The following APBB2 variants were observed in gnomAD, a reference collection of about 807,000 sequenced individuals.
APBB2 encodes the protein Fe65-like 1.
APBB2 carries 38 observed loss-of-function variants against 82.5 expected under a neutral mutation model. The ratio of observed to expected loss-of-function variants is 0.46; its 90% CI spans 0.36 to 0.60. The LOEUF is 0.60. Among genes scored for constraint, APBB2 ranks in the 20% least tolerant of loss-of-function variants. The pLI, the probability that APBB2 is intolerant of heterozygous loss-of-function variation, is 0.00. For missense variants in APBB2, 772 were observed against 972.3 expected (o/e 0.79, Z 2.74); for synonymous variants, 341 against 368.2 (o/e 0.93, Z 0.85).
chr4:40,836,978 G>C (rs1754161698), intron 12 of APBB2, among the ~76,000 whole-genome samples: 1 of 152,176 alleles, frequency 6.6e-6, no homozygotes. Flanking sequence ...ACACAGCTGG[G>C]TTTTTCCCCA....
chr4:41,166,306 C>T (rs1407197268), intron 1 of APBB2, among the ~76,000 whole-genome samples: 2 of 151,800 alleles, frequency 1.3e-5, no homozygotes, highest in African/African-American at 2.4e-5. Context: ...GAGGCTGAGG[C>T]GGGAAGATCA....
chr4:41,076,356 A>C (rs1391780476), intron 3 of APBB2, among the ~76,000 whole-genome samples: 1 of 152,162 alleles, frequency 6.6e-6, no homozygotes, highest in African/African-American at 2.4e-5. Flanking sequence ...TAAACCATGA[A>C]GCTTGCTATG....
At chr4:40,931,800 T>C (rs1369027342) in intron 10 of APBB2, among the ~76,000 whole-genome samples, 6 of 136,358 alleles carry the variant, frequency 4.4e-5, no homozygotes, top group Admixed American at 7.2e-5. Context: ...TTCTGTGCCC[T>C]TTTTTTTTTT....
intron 6 of APBB2, among the ~76,000 whole-genome samples, chr4:40,999,437 A>C (rs73136410): frequency 0.17 from 25,832 of 152,050 alleles, 4,458 homozygotes; most frequent in African/African-American, 0.45. Flanking sequence ...GTGACAGACA[A>C]CCTGTCTCAA....
Position 40,849,566 on chromosome 4 carries a change from T to A in APBB2, c.1530-18989A>T, listed in dbSNP as rs368771619. Among the ~76,000 whole-genome samples, 147 of 152,218 alleles carry A rather than the reference T, an allele frequency of 9.7e-4. 2 individuals are homozygous for A. In the South Asian group the frequency reaches 0.03, roughly 31 times the overall value. The stretch of plus-strand genomic sequence containing the variant: ...AGGGAAAAGACCCAAGACAACACAT[T>A]CCCATACCTGCTGAGGCAGTTATGG... On this transcript the variant is annotated intron_variant, in intron 12 of 17. Transcript: ENST00000508593.
chr4:40,945,773 A>T (rs2154380981), intron 6 of APBB2, among the ~76,000 whole-genome samples: 1 of 152,034 alleles, frequency 6.6e-6, no homozygotes, highest in Admixed American at 6.5e-5. Context: ...CCACCACGCC[A>T]GGCTTTTTGT....
At chr4:40,834,879 G>A (rs7666800) in intron 12 of APBB2, among the ~76,000 whole-genome samples, 87,111 of 152,082 alleles carry the variant, frequency 0.57, 25,816 homozygotes, top group Non-Finnish European at 0.64. Context: ...CGTGGCGTTA[G>A]GCCACTCGGT....
At chr4:41,012,561 A>G (rs1246276518) in intron 6 of APBB2, among the ~76,000 whole-genome samples, 1 of 151,962 alleles carries the variant, frequency 6.6e-6, no homozygotes, top group Non-Finnish European at 1.5e-5. Context: ...CACTTCAAAA[A>G]CGCTACTTTT....
At chr4:41,171,589 T>C (rs1469614724) in intron 1 of APBB2, among the ~76,000 whole-genome samples, 3 of 152,196 alleles carry the variant, frequency 2.0e-5, no homozygotes, top group Non-Finnish European at 4.4e-5. Flanking sequence ...TAAGGCTCCA[T>C]GAAGACCTAC....
chr4:40,854,790 C>CA lies in APBB2; in HGVS notation c.1530-24214dup, dbSNP rs80240731. On this transcript the variant is annotated intron_variant, in intron 12 of 17. Coordinates refer to ENST00000508593, the MANE Select transcript of APBB2 (RefSeq NM_004307.2). ...GGCGATAAGAGCGAAAGTCCATCTC[C>CA]AAAAAAAAAAAAAAAAAAAGAAGAA... Among the ~76,000 whole-genome samples the CA allele has an allele frequency of 1.4e-3, 176 of 124,796 alleles. No individual in the cohort carries two copies. The East Asian group carries it at 0.018, about 13-fold the overall frequency. 81.9% of individuals were successfully genotyped at this position (124,796 alleles called of 152,430 possible). A position where few individuals can be genotyped will look rare whatever the true frequency, so the allele number is the denominator to read the frequency against.
intron 11 of APBB2, chr4:40,890,870 G>T (rs1771819679): frequency 6.2e-6 from 1 of 162,232 alleles, no homozygotes; most frequent in Non-Finnish European, 1.3e-5. Context: ...CATTCTTCTG[G>T]CCAGATCCTA....
intron 1 of APBB2, among the ~76,000 whole-genome samples, chr4:41,202,562 T>C (rs1490022533): frequency 6.6e-6 from 1 of 152,192 alleles, no homozygotes; most frequent in Non-Finnish European, 1.5e-5. Flanking sequence ...CCATACTATT[T>C]TTGTTTCTAT....
At chr4:41,000,871 A>AT (rs1805021481) in intron 6 of APBB2, among the ~76,000 whole-genome samples, 1 of 152,102 alleles carries the variant, frequency 6.6e-6, no homozygotes, top group Non-Finnish European at 1.5e-5. Flanking sequence ...TAAAAAAAAA[A>AT]GGAGACAGAG....
rs1204818954 is a variant in APBB2 at position 41,014,781 on chromosome 4, T to C, written c.20-383A>G. Reference sequence around the variant, plus strand: ...TTCCCACTACATTTTTATTCTTTGGTTCCTTCAGGCAACAACAAAAAATTG... The same window carrying C: ...TTCCCACTACATTTTTATTCTTTGGCTCCTTCAGGCAACAACAAAAAATTG... On this transcript the variant is annotated intron_variant, in intron 5 of 17. Transcript: ENST00000508593. Among the ~76,000 whole-genome samples the C allele has an allele frequency of 4.6e-5, 7 of 152,308 alleles. No homozygotes were observed. In the South Asian group the frequency reaches 6.2e-4, roughly 14 times the overall value.
At chr4:40,893,163 A>ACCT in intron 11 of APBB2, 102 bp downstream of exon 11, 1 of 1,397,538 alleles carries the variant, frequency 7.2e-7, no homozygotes, top group Non-Finnish European at 9.7e-7. Context: ...CCTGATGAAC[A>ACCT]CCTCGGAGCC....
At chr4:41,193,498 C>T (rs1303091427) in intron 1 of APBB2, 3 of 911,554 alleles carry the variant, frequency 3.3e-6, no homozygotes, top group Non-Finnish European at 3.9e-6. Context: ...AAACCTCAGT[C>T]CTACCCCTAG....
chr4:40,958,853 G>A (rs533312978), intron 6 of APBB2, among the ~76,000 whole-genome samples: 4 of 152,146 alleles, frequency 2.6e-5, no homozygotes, highest in African/African-American at 7.2e-5. Context: ...TGATCCTCCC[G>A]CCTCGGCCTT....
chr4:41,156,727 T>C (rs746145278), intron 1 of APBB2, among the ~76,000 whole-genome samples: 2 of 152,198 alleles, frequency 1.3e-5, no homozygotes, highest in Non-Finnish European at 2.9e-5. Context: ...CTGTGTGATC[T>C]TAAGACTCAT....
intron 1 of APBB2, among the ~76,000 whole-genome samples, chr4:41,212,262 T>C (rs1174470361): frequency 6.6e-6 from 1 of 152,252 alleles, no homozygotes; most frequent in Non-Finnish European, 1.5e-5. Flanking sequence ...GCAATAGTTT[T>C]TTCCCAAGTA....
Sources: gnomAD v4.1 joint callset for allele counts (sites outside exome capture counted in the v4.1 genomes callset) on GRCh38, gnomAD v4.1.1 for gene constraint, MANE v1.5 for transcripts, NCBI Gene and HGNC (gene_info 2026-07-23, HGNC 2026-07-21) for gene names.